ERLIN1: variants seen among roughly 807,000 people sequenced by gnomAD.
ERLIN1 encodes the protein erlin-1.
ERLIN1 carries 24 observed loss-of-function variants against 46.9 expected under a neutral mutation model. The ratio of observed to expected loss-of-function variants is 0.51; its 90% CI spans 0.37 to 0.72. The LOEUF (loss-of-function observed/expected upper bound fraction) is 0.72. Among genes scored for constraint, ERLIN1 ranks in the 30% least tolerant of loss-of-function variants. The probability of loss-of-function intolerance (pLI) is 0.00; values close to 1 mark genes in which losing one functional copy is unlikely to be tolerated. For missense variants in ERLIN1, 293 were observed against 417.9 expected, an observed-to-expected ratio of 0.70 and a Z score of 2.61; for synonymous variants, 158 against 143.2, an observed-to-expected ratio of 1.10 and a Z score of -0.74.
At chr10:100,160,271 A>G (rs892016151) in intron 8 of ERLIN1, among the ~76,000 whole-genome samples, 3 of 152,316 alleles carry the variant, frequency 2.0e-5, no homozygotes, top group Middle Eastern at 3.4e-3. Flanking sequence ...AGCAAATGAA[A>G]AAAAGCAGAA....
Position 100,185,761 on chromosome 10 carries a change from T to A in ERLIN1, c.-135A>T. On this transcript the variant is annotated 5_prime_UTR_variant, in exon 1 of 11. Transcript: ENST00000421367. ...GCTGAGCCGGGGAGTCCAGTACCCC[T>A]GTCCCCTCATTCTTCCCTTCTGGCT... The A allele has an allele frequency of 1.5e-6, 1 of 676,182 alleles. No homozygotes were observed. Among genetic ancestry groups the A allele is most frequent in the South Asian group, 1.7e-5 (1 of 57,200 alleles). 41.9% of individuals were successfully genotyped at this position (676,182 alleles called of 1,614,324 possible).
chr10:100,160,869 C>A (rs1018164752), intron 8 of ERLIN1, among the ~76,000 whole-genome samples: 1 of 152,092 alleles, frequency 6.6e-6, no homozygotes, highest in African/African-American at 2.4e-5. Flanking sequence ...ATAACTTAAG[C>A]CTAGGAGGCT....
intron 4 of ERLIN1, among the ~76,000 whole-genome samples, chr10:100,176,841 G>C (rs538039814): frequency 6.6e-6 from 1 of 152,178 alleles, no homozygotes; most frequent in Non-Finnish European, 1.5e-5. Flanking sequence ...TTTCAAATCC[G>C]ACTGGGCGCG....
In ERLIN1 at chr10:100,156,148, C is replaced by T. The variant is rs1468483147; in HGVS notation, c.742G>A (p.Glu248Lys). The T allele has an allele frequency of 4.4e-6, 7 of 1,608,018 alleles. No homozygotes were observed. The highest frequency in any genetic ancestry group is 1.1e-5 in the South Asian group (1 of 90,606). Residue 248 changes from glutamate to lysine, a missense_variant, in exon 9 of 11, where the codon GAA (glutamate) becomes AAA (lysine). Glu to Lys is a moderately conservative substitution (Grantham distance 56). This residue lies in a region of ERLIN1 where 148 missense variants were observed against 266.5 expected (regional missense o/e 0.56). Transcript: ENST00000421367. ...TCATCCTCTCCCCACAATGTACCTT[C>T]GATTTCAGAAATGCGCTTTTCAGTT... The part of the protein sequence containing the change: ...KETEKRISEI[E>K]DAAFLAREKA...
chr10:100,158,819 T>A (rs978839923), intron 8 of ERLIN1, among the ~76,000 whole-genome samples: 3 of 151,584 alleles, frequency 2.0e-5, no homozygotes, highest in Admixed American at 6.6e-5. Flanking sequence ...AAACTTCCAA[T>A]CAAGTAAAAG....
At chr10:100,158,020 T>C (rs1186721474) in intron 8 of ERLIN1, among the ~76,000 whole-genome samples, 2 of 152,184 alleles carry the variant, frequency 1.3e-5, no homozygotes, top group Admixed American at 6.5e-5. Context: ...TCAAGTAACT[T>C]AAGCCAAGGG....
intron 8 of ERLIN1, 89 bp downstream of exon 8, chr10:100,163,915 C>T (rs1843493471): frequency 7.6e-6 from 6 of 788,028 alleles, no homozygotes; most frequent in Non-Finnish European, 1.1e-5. Context: ...TGCAATCTTA[C>T]TGAGTCCCAT....
chr10:100,157,486 T>A (rs1843138839), intron 8 of ERLIN1, among the ~76,000 whole-genome samples: 1 of 152,216 alleles, frequency 6.6e-6, no homozygotes, highest in African/African-American at 2.4e-5. Context: ...CAATTCTCCT[T>A]TTCAGTCAAA....
At chr10:100,169,637 T>A (rs1003811554) in intron 6 of ERLIN1, among the ~76,000 whole-genome samples, 3 of 151,246 alleles carry the variant, frequency 2.0e-5, no homozygotes, top group African/African-American at 7.3e-5. Context: ...AAAAAAAGAC[T>A]ACATATTGAA....
At chr10:100,182,053 T>C (rs1844684489) in intron 2 of ERLIN1, among the ~76,000 whole-genome samples, 1 of 152,170 alleles carries the variant, frequency 6.6e-6, no homozygotes, top group African/African-American at 2.4e-5. Context: ...ATATACACAA[T>C]TAAACTCCAA....
chr10:100,168,515 C>T lies in ERLIN1; in HGVS notation c.505-1109G>A, dbSNP rs148668369. The stretch of plus-strand genomic sequence containing the variant: ...GACATGCAGAAGACAAATAAAAATT[C>T]AGGACCAGATTTTGTGAGATGTCAG... On this transcript the variant is annotated intron_variant, in intron 6 of 10. Coordinates refer to ENST00000421367, the MANE Select transcript of ERLIN1 (RefSeq NM_006459.4). Among the ~76,000 whole-genome samples the T allele has an allele frequency of 1.9e-3, 283 of 152,212 alleles. 1 individual carries two copies. The highest frequency in any genetic ancestry group is 6.6e-3 in the African/African-American group (275 of 41,534).
chr10:100,169,082 T>C (rs965862182), intron 6 of ERLIN1, among the ~76,000 whole-genome samples: 13 of 152,190 alleles, frequency 8.5e-5, no homozygotes, highest in Non-Finnish European at 1.3e-4. Flanking sequence ...TTTTCAAATA[T>C]GTGAAAACAT....
intron 5 of ERLIN1, 83 bp downstream of exon 5, chr10:100,175,859 TAAG>T: frequency 8.6e-7 from 1 of 1,159,156 alleles, no homozygotes; most frequent in Non-Finnish European, 1.2e-6. Context: ...TAAATAGCAC[TAAG>T]GTTTACCAAT....
Position 100,151,855 on chromosome 10 carries a change from C to A in ERLIN1, c.*276G>T. 4 of 475,910 alleles carry A rather than the reference C, an allele frequency of 8.4e-6. No individual in the cohort carries two copies. The highest frequency in any genetic ancestry group is 1.2e-5 in the Non-Finnish European group (3 of 257,592). The allele number at this position is 475,910 out of a possible 1,614,324, so 29.5% of individuals were successfully genotyped here. On this transcript the variant is annotated 3_prime_UTR_variant, in exon 11 of 11. Coordinates refer to ENST00000421367, the MANE Select transcript of ERLIN1 (RefSeq NM_006459.4). ...ATATTTAGTGTTTAACATTCCAGTG[C>A]AGGCAGTATCTTAGCATCAGACTTT... is the stretch of plus-strand genomic sequence containing the variant.
intron 8 of ERLIN1, 54 bp downstream of exon 8, chr10:100,163,950 G>T: frequency 8.2e-7 from 1 of 1,218,432 alleles, no homozygotes; most frequent in Non-Finnish European, 1.2e-6. Context: ...GACTGACAAA[G>T]AACAGGACAA....
At chr10:100,173,109 C>T (rs1392978631) in intron 6 of ERLIN1, among the ~76,000 whole-genome samples, 3 of 152,202 alleles carry the variant, frequency 2.0e-5, no homozygotes, top group Non-Finnish European at 4.4e-5. Context: ...ACCTATCTTT[C>T]AGTCTTGTTT....
rs76985564 is a variant in ERLIN1 at position 100,163,058 on chromosome 10, C to T, written c.655+946G>A. Reference sequence around the variant, plus strand: ...GAAAAATGTAGCAGCTAAACATAAACGATCTACCATCTCACAGAGAATAAG... The same window carrying T: ...GAAAAATGTAGCAGCTAAACATAAATGATCTACCATCTCACAGAGAATAAG... On this transcript the variant is annotated intron_variant, in intron 8 of 10. Coordinates refer to ENST00000421367, the MANE Select transcript of ERLIN1 (RefSeq NM_006459.4). 7.2e-5 allele frequency among the ~76,000 whole-genome samples: 11 copies of T among 152,136 alleles called. No individual in the cohort carries two copies. The East Asian group carries it at 2.1e-3, about 29-fold the overall frequency.
At position 100,156,203 on chromosome 10, in the gene ERLIN1, A is replaced by C. The variant is rs1260086100; in HGVS notation, c.687T>G (p.Ile229Met). 6.2e-7 allele frequency: 1 copy of C among 1,613,236 alleles called. No individual in the cohort carries two copies. The highest frequency in any genetic ancestry group is 1.7e-5 in the Admixed American group (1 of 59,996). ...EAEKIAQVAK[I>M]RFQQKVMEKE... ...TTTCCATCACTTTCTGCTGAAACCGAATTTTTGCCACTTGTGCAATCTTCT... is the reference window on the plus strand; with the variant it reads ...TTTCCATCACTTTCTGCTGAAACCGCATTTTTGCCACTTGTGCAATCTTCT... Residue 229 changes from isoleucine (I) to methionine (M), a missense_variant, in exon 9 of 11, where the codon ATT (isoleucine) becomes ATG (methionine). This residue lies in a region of ERLIN1 where 148 missense variants were observed against 266.5 expected (regional missense o/e 0.56). Transcript: ENST00000421367.
At chr10:100,174,433 T>C (rs1844178662) in intron 5 of ERLIN1, among the ~76,000 whole-genome samples, 152 bp from the exon 6 acceptor site, 1 of 152,114 alleles carries the variant, frequency 6.6e-6, no homozygotes, top group African/African-American at 2.4e-5. Context: ...CCCTTTTGTG[T>C]GGGAAAAAAA....
Sources: allele counts gnomAD v4.1 joint callset (sites outside exome capture counted in the v4.1 genomes callset), GRCh38; gene constraint gnomAD v4.1.1; regional missense constraint gnomAD v4.1.1; transcripts MANE v1.5; gene names NCBI Gene and HGNC (gene_info 2026-07-23, HGNC 2026-07-21).